Variants in EYS observed in about 807,000 individuals in gnomAD.
EYS encodes protein eyes shut homolog.
In EYS, 250 loss-of-function variants were observed where a neutral mutation model predicts 282.1. The ratio of observed to expected loss-of-function variants is 0.89; its 90% CI spans 0.80 to 0.98. The LOEUF (loss-of-function observed/expected upper bound fraction) is 0.98. EYS is among the 50% of genes least tolerant of loss of function. The pLI is 0.00. For missense variants in EYS, 4,016 were observed against 3,709.0 expected (o/e 1.08, Z -2.15); for synonymous variants, 1,355 against 1,282.9 (o/e 1.06, Z -1.20).
rs145102791 is a variant in EYS, at chr6:64,305,867, G to T, written c.6191+1103C>A. 6.6e-3 allele frequency among the ~76,000 whole-genome samples: 999 copies of T among 152,086 alleles called. 9 individuals carry two copies. The highest frequency in any genetic ancestry group is 0.023 in the African/African-American group (948 of 41,496). On this transcript the variant is annotated intron_variant, in intron 30 of 42. Transcript: ENST00000503581. The stretch of plus-strand genomic sequence containing the variant: ...GACACCAAATGCACAGGCAATGAAA[G>T]AAAAAACAGACATTAGACTTCATGA...
intron 22 of EYS, among the ~76,000 whole-genome samples, chr6:64,695,166 T>G (rs1219410916): frequency 2.0e-5 from 3 of 151,932 alleles, no homozygotes; most frequent in Non-Finnish European, 4.4e-5. Flanking sequence ...AGCATAGGAC[T>G]GGGACCACTG....
intron 22 of EYS, among the ~76,000 whole-genome samples, chr6:64,785,488 T>C (rs1773988928): frequency 1.3e-5 from 2 of 152,206 alleles, no homozygotes; most frequent in Non-Finnish European, 2.9e-5. Context: ...TACAGCTCTT[T>C]GTTAGACAAA....
chr6:64,169,431 G>GTTTTTTTTTTTTTTTTT lies in EYS; in HGVS notation c.6424+61160_6424+61161insAAAAAAAAAAAAAAAAA, dbSNP rs35657029. On this transcript the variant is annotated intron_variant, in intron 31 of 42. Coordinates refer to ENST00000503581, the MANE Select transcript of EYS (RefSeq NM_001142800.2). ...ACATACTCAAACAATTTGAGGAGGA[G>GTTTTTTTTTTTTTTTTT]TTTTTTTTTTTTTTTTACAAAAAGG... is the stretch of plus-strand genomic sequence containing the variant. 4.0e-3 allele frequency among the ~76,000 whole-genome samples: 567 copies of GTTTTTTTTTTTTTTTTT among 140,886 alleles called. 17 individuals carry two copies. Among genetic ancestry groups the GTTTTTTTTTTTTTTTTT allele is most frequent in the African/African-American group, 0.015 (533 of 36,332 alleles). 92.4% of individuals were successfully genotyped at this position (140,886 alleles called of 152,430 possible). A position where few individuals can be genotyped will look rare whatever the true frequency, so the allele number is the denominator to read the frequency against.
At chr6:64,151,315 A>AC (rs1774703336) in intron 31 of EYS, among the ~76,000 whole-genome samples, 1 of 49,722 alleles carries the variant, frequency 2.0e-5, no homozygotes, top group Non-Finnish European at 3.6e-5. Flanking sequence ...GTGTGTGTAT[A>AC]TTTATATATA....
At chr6:64,478,948 T>G (rs1216669524) in intron 26 of EYS, among the ~76,000 whole-genome samples, 1 of 151,950 alleles carries the variant, frequency 6.6e-6, no homozygotes, top group African/African-American at 2.4e-5. Flanking sequence ...TCTTTATATG[T>G]AAACTAGCTG....
At chr6:64,632,325 T>A (rs1448937354) in intron 22 of EYS, among the ~76,000 whole-genome samples, 1 of 151,926 alleles carries the variant, frequency 6.6e-6, no homozygotes, top group Non-Finnish European at 1.5e-5. Context: ...TTAAAGTATA[T>A]ATCTCTGTGA....
At chr6:65,119,844 A>C (rs1188389596) in intron 12 of EYS, among the ~76,000 whole-genome samples, 1 of 151,862 alleles carries the variant, frequency 6.6e-6, no homozygotes, top group Non-Finnish European at 1.5e-5. Context: ...CCTGGGTGAC[A>C]GAACAAGACC....
intron 24 of EYS, among the ~76,000 whole-genome samples, chr6:64,609,469 G>A (rs1376217838): frequency 6.6e-6 from 1 of 152,198 alleles, no homozygotes; most frequent in Non-Finnish European, 1.5e-5. Context: ...AGGAGGAAGT[G>A]AGGCTAGAGA....
At chr6:65,495,712 A>C in intron 3 of EYS, 105 bp from the exon 4 acceptor site, 1 of 414,912 alleles carries the variant, frequency 2.4e-6, no homozygotes, top group East Asian at 5.0e-5. Context: ...TACACTGCAA[A>C]GATAGTGTCA....
intron 5 of EYS, among the ~76,000 whole-genome samples, chr6:65,441,180 T>C (rs1168433551): frequency 6.6e-6 from 1 of 151,576 alleles, no homozygotes; most frequent in Non-Finnish European, 1.5e-5. Context: ...TAGTATTTAT[T>C]TTCAATGTTT....
At chr6:64,996,553 C>A (rs995283135) in intron 14 of EYS, among the ~76,000 whole-genome samples, 2 of 152,126 alleles carry the variant, frequency 1.3e-5, no homozygotes, top group Non-Finnish European at 2.9e-5. Flanking sequence ...AACATGACTG[C>A]CTTAGATAAA....
In EYS at chr6:64,050,172, C is replaced by T. The variant is rs541251505; in HGVS notation, c.6725+16166G>A. ...TTATGTTCATATCCACATCCACATA[C>T]ATTCCTTCATTCTTCAAATGACAGG... is the stretch of plus-strand genomic sequence containing the variant. On this transcript the variant is annotated intron_variant, in intron 33 of 42. Coordinates refer to ENST00000503581, the MANE Select transcript of EYS (RefSeq NM_001142800.2). Among the ~76,000 whole-genome samples, 32 of 152,260 alleles carry T rather than the reference C, an allele frequency of 2.1e-4. 1 individual carries two copies. The South Asian group carries it at 6.4e-3, about 31-fold the overall frequency.
intron 31 of EYS, among the ~76,000 whole-genome samples, chr6:64,131,948 C>A (rs532881251): frequency 6.6e-6 from 1 of 152,196 alleles, no homozygotes; most frequent in South Asian, 2.1e-4. Flanking sequence ...ATTTTCTTCC[C>A]GAGCCTTCAT....
rs60121734 is a variant in EYS at position 64,246,018 on chromosome 6, C to CA, written c.6192-15195dup. Among the ~76,000 whole-genome samples, 69 of 56,204 alleles carry CA rather than the reference C, an allele frequency of 1.2e-3. 5 individuals carry two copies. The highest frequency in any genetic ancestry group is 4.3e-3 in the African/African-American group (52 of 12,190). The allele number at this position is 56,204 out of a possible 152,430, so 36.9% of individuals were successfully genotyped here. On this transcript the variant is annotated intron_variant, in intron 30 of 42. Coordinates refer to ENST00000503581, the MANE Select transcript of EYS (RefSeq NM_001142800.2). The stretch of plus-strand genomic sequence containing the variant: ...TGGGCGACAGAGCGAAACTCCGTCT[C>CA]AAAAAAAAAAAAAAAAAAAAAAAAA...
intron 2 of EYS, among the ~76,000 whole-genome samples, chr6:65,594,760 T>A (rs921691395): frequency 6.6e-6 from 1 of 152,074 alleles, no homozygotes; most frequent in African/African-American, 2.4e-5. Flanking sequence ...CTGAATGGTA[T>A]TGCCTAGGTT....
intron 30 of EYS, among the ~76,000 whole-genome samples, chr6:64,262,875 C>T (rs908593155): frequency 3.9e-5 from 6 of 151,974 alleles, no homozygotes; most frequent in Non-Finnish European, 8.8e-5. Context: ...TTACACAAGC[C>T]TTCATTTCAA....
intron 28 of EYS, among the ~76,000 whole-genome samples, chr6:64,421,361 G>A (rs2150451614): frequency 6.6e-6 from 1 of 152,232 alleles, no homozygotes; most frequent in Non-Finnish European, 1.5e-5. Flanking sequence ...TCCCATGAAC[G>A]TGGGGATTAT....
chr6:64,445,129 T>C (rs1384624750), intron 26 of EYS, among the ~76,000 whole-genome samples: 1 of 152,212 alleles, frequency 6.6e-6, no homozygotes, highest in East Asian at 1.9e-4. Context: ...TAGTTAAATA[T>C]AGATTTTAAA....
At chr6:63,907,656 A>G (rs1262379455) in intron 35 of EYS, among the ~76,000 whole-genome samples, 1 of 152,146 alleles carries the variant, frequency 6.6e-6, no homozygotes, top group Admixed American at 6.5e-5. Flanking sequence ...TTTAAGGGAC[A>G]AAAGTGCAGT....
Sources: gnomAD v4.1 joint callset for allele counts (sites outside exome capture counted in the v4.1 genomes callset) on GRCh38, gnomAD v4.1.1 for gene constraint, MANE v1.5 for transcripts, NCBI Gene and HGNC (gene_info 2026-07-23, HGNC 2026-07-21) for gene names.